EBF1: variants seen among roughly 807,000 people sequenced by gnomAD.
EBF1 encodes the protein EBF transcription factor 1.
In EBF1, 10 loss-of-function variants were observed where a neutral mutation model predicts 68.4. The ratio of observed to expected loss-of-function variants is 0.15; its 90% CI spans 0.09 to 0.25. The LOEUF is 0.25. Among genes scored for constraint, EBF1 ranks in the 10% least tolerant of loss-of-function variants. The pLI is 1.00. For synonymous variants in EBF1, 298 were observed against 299.8 expected, an observed-to-expected ratio of 0.99 and a Z score of 0.06; for missense variants, 509 against 794.4, an observed-to-expected ratio of 0.64 and a Z score of 4.32.
At chr5:159,020,794 G>A (rs1204877718) in intron 6 of EBF1, among the ~76,000 whole-genome samples, 1 of 152,216 alleles carries the variant, frequency 6.6e-6, no homozygotes, top group East Asian at 1.9e-4. Context: ...AAGTCATAAA[G>A]TAAGTAGATG....
chr5:158,814,643 GTTGT>G (rs1410787740), intron 8 of EBF1, among the ~76,000 whole-genome samples: 6 of 152,058 alleles, frequency 3.9e-5, no homozygotes, highest in Non-Finnish European at 7.4e-5. Context: ...TATCCTAACG[GTTGT>G]TTAACTCATC....
At chr5:158,918,387 C>G (rs1176923589) in intron 6 of EBF1, among the ~76,000 whole-genome samples, 2 of 152,186 alleles carry the variant, frequency 1.3e-5, no homozygotes, top group Admixed American at 1.3e-4. Context: ...TTTATAGAAA[C>G]AGACTCTTGA....
chr5:158,801,588 G>A (rs1270584985), intron 8 of EBF1, among the ~76,000 whole-genome samples: 2 of 151,466 alleles, frequency 1.3e-5, no homozygotes, highest in African/African-American at 4.9e-5. Flanking sequence ...ACTACACCGT[G>A]AGTCAGGGCC....
At chr5:158,808,652 G>C (rs116411958) in intron 8 of EBF1, among the ~76,000 whole-genome samples, 84 of 152,222 alleles carry the variant, frequency 5.5e-4, no homozygotes, top group African/African-American at 2.0e-3. Flanking sequence ...ATTGTTGTAA[G>C]GTTTGAATGA....
rs1191699052 is a variant in EBF1, at chr5:158,903,818, G to A, written c.555-63708C>T. On this transcript the variant is annotated intron_variant, in intron 6 of 15. Coordinates refer to ENST00000313708, the MANE Select transcript of EBF1 (RefSeq NM_024007.5). ...ATTATGAGCAATATTCCTTCTCCTT[G>A]TGTTGACAGAGCACTTTACAATTTT... Among the ~76,000 whole-genome samples the A allele has an allele frequency of 1.1e-4, 16 of 152,160 alleles. No homozygotes were observed. The East Asian group carries it at 1.3e-3, about 13-fold the overall frequency.
Position 159,042,927 on chromosome 5 carries a change from GT to G in EBF1, c.554+30468del, listed in dbSNP as rs1771535839. ...GGGAGCTACTAGGTAGCTGCTTAAG[GT>G]TAGGCTTCAGGAAAGCCCTCTTAAA... On this transcript the variant is annotated intron_variant, in intron 6 of 15. Transcript: ENST00000313708. Among the ~76,000 whole-genome samples the G allele has an allele frequency of 2.6e-5, 4 of 151,620 alleles. No individual in the cohort carries two copies. In the South Asian group the frequency reaches 8.3e-4, roughly 32 times the overall value.
intron 4 of EBF1, among the ~76,000 whole-genome samples, chr5:159,091,801 A>AC (rs199542435): frequency 1.3e-5 from 2 of 151,958 alleles, no homozygotes; most frequent in South Asian, 2.1e-4. Flanking sequence ...TGTACCTTGG[A>AC]CCCCCCACTG....
intron 15 of EBF1, among the ~76,000 whole-genome samples, chr5:158,699,802 A>G (rs181060193): frequency 6.6e-6 from 1 of 152,360 alleles, no homozygotes; most frequent in East Asian, 1.9e-4. Context: ...CGTTTCGGGA[A>G]TGATCTGACC....
intron 10 of EBF1, 57 bp downstream of exon 10, chr5:158,777,356 G>C: frequency 2.0e-6 from 3 of 1,490,122 alleles, no homozygotes; most frequent in Non-Finnish European, 2.7e-6. Context: ...CAAGATAAGG[G>C]GAAAGACCCC....
At chr5:158,709,160 C>T (rs1356606810) in intron 14 of EBF1, among the ~76,000 whole-genome samples, 5 of 152,184 alleles carry the variant, frequency 3.3e-5, no homozygotes, top group Non-Finnish European at 5.9e-5. Context: ...TTTCTATTTC[C>T]TCCATTTCCT....
intron 10 of EBF1, among the ~76,000 whole-genome samples, chr5:158,737,450 A>AT (rs1316191213): frequency 1.3e-5 from 2 of 150,956 alleles, no homozygotes; most frequent in African/African-American, 2.4e-5. Flanking sequence ...CGCCCAGCTA[A>AT]TTTTTTTGTA....
chr5:159,095,400 G>T (rs1364271387), intron 4 of EBF1, among the ~76,000 whole-genome samples: 2 of 152,144 alleles, frequency 1.3e-5, no homozygotes, highest in Non-Finnish European at 2.9e-5. Flanking sequence ...CACAAGGCCC[G>T]AGTTCCCTTG....
At chr5:158,955,026 T>A (rs1485997380) in intron 6 of EBF1, among the ~76,000 whole-genome samples, 1 of 151,794 alleles carries the variant, frequency 6.6e-6, no homozygotes, top group African/African-American at 2.4e-5. Flanking sequence ...GGGAAAAAAA[T>A]TACAGAGAAG....
intron 11 of EBF1, among the ~76,000 whole-genome samples, chr5:158,723,938 G>T (rs369191800): frequency 6.6e-6 from 1 of 151,840 alleles, no homozygotes; most frequent in Admixed American, 6.6e-5. Context: ...ACACATGCAC[G>T]CACACACACA....
chr5:158,864,752 T>G (rs1423654632), intron 6 of EBF1, among the ~76,000 whole-genome samples: 4 of 152,130 alleles, frequency 2.6e-5, no homozygotes, highest in Non-Finnish European at 5.9e-5. Flanking sequence ...GGCTGGGACT[T>G]GAAGGGCAAG....
rs943721076 is a variant in EBF1, at chr5:159,039,078, C to A, written c.554+34318G>T. Among the ~76,000 whole-genome samples the A allele has an allele frequency of 4.6e-5, 7 of 152,302 alleles. No homozygotes were observed. In the East Asian group the frequency reaches 1.3e-3, roughly 29 times the overall value. On this transcript the variant is annotated intron_variant, in intron 6 of 15. Coordinates refer to ENST00000313708, the MANE Select transcript of EBF1 (RefSeq NM_024007.5). Reference sequence around the variant, plus strand: ...AAGGAATAAAAAAGAAATCCATTTACTCAATCTGCTAACCCCAAAACCAAA... The same window carrying A: ...AAGGAATAAAAAAGAAATCCATTTAATCAATCTGCTAACCCCAAAACCAAA...
At chr5:159,023,210 G>A (rs778175693) in intron 6 of EBF1, among the ~76,000 whole-genome samples, 27 of 150,020 alleles carry the variant, frequency 1.8e-4, no homozygotes, top group Non-Finnish European at 3.7e-4. Flanking sequence ...AAAAAGCTAA[G>A]TTTGTGAGAC....
intron 10 of EBF1, among the ~76,000 whole-genome samples, chr5:158,762,637 A>G (rs1016071082): frequency 6.6e-6 from 1 of 152,092 alleles, no homozygotes; most frequent in Admixed American, 6.5e-5. Context: ...CTGGGTTCAC[A>G]CCATTCTCCT....
intron 6 of EBF1, among the ~76,000 whole-genome samples, chr5:158,881,262 C>G (rs1212094801): frequency 6.6e-6 from 1 of 152,204 alleles, no homozygotes; most frequent in Non-Finnish European, 1.5e-5. Flanking sequence ...AGCTTCATTG[C>G]CCTATTATGC....
Sources: allele counts gnomAD v4.1 joint callset (sites outside exome capture counted in the v4.1 genomes callset), GRCh38; gene constraint gnomAD v4.1.1; transcripts MANE v1.5; gene names NCBI Gene and HGNC (gene_info 2026-07-23, HGNC 2026-07-21).